Variants in USH2A observed in about 807,000 individuals in gnomAD.
The protein encoded by USH2A is Usher syndrome 2A (autosomal recessive, mild).
A neutral mutation model predicts 538.9 loss-of-function variants in USH2A; 443 were observed. The ratio of observed to expected loss-of-function variants is 0.82; its 90% CI spans 0.76 to 0.89. USH2A has a LOEUF of 0.89. USH2A is among the 40% of genes least tolerant of loss of function. USH2A has a pLI of 0.00. For missense variants in USH2A, 6,633 were observed against 6,324.8 expected, an observed-to-expected ratio of 1.05 and a Z score of -1.65; for synonymous variants, 2,413 against 2,273.5, an observed-to-expected ratio of 1.06 and a Z score of -1.75.
intron 44 of USH2A, 134 bp from the exon 45 acceptor site, chr1:215,846,167 G>T: frequency 1.2e-6 from 1 of 808,022 alleles, no homozygotes; most frequent in Non-Finnish European, 2.0e-6. Context: ...GTTAAAAAAA[G>T]CTTATGAGAT....
intron 43 of USH2A, among the ~76,000 whole-genome samples, chr1:215,877,292 T>G (rs1399578258): frequency 2.0e-5 from 3 of 152,220 alleles, no homozygotes; most frequent in Middle Eastern, 3.2e-3. Flanking sequence ...CTAGATTGAA[T>G]TCTTTCAAGT....
chr1:215,963,155 C>A (rs911125030), intron 37 of USH2A, among the ~76,000 whole-genome samples: 1 of 152,094 alleles, frequency 6.6e-6, no homozygotes, highest in Non-Finnish European at 1.5e-5. Context: ...TTAGACAATT[C>A]AATAAGCTTT....
intron 71 of USH2A, among the ~76,000 whole-genome samples, chr1:215,627,453 C>CTTCCTTCCTTCTTTCCTTCCTTCT (rs1656090209): frequency 9.5e-6 from 1 of 104,780 alleles, no homozygotes; most frequent in Non-Finnish European, 2.1e-5. Context: ...TCCTTCCTTC[C>CTTCCTTCCTTCTTTCCTTCCTTCT]TTCCTTCCTT....
chr1:215,944,599 T>C, intron 37 of USH2A, among the ~76,000 whole-genome samples: 1 of 152,140 alleles, frequency 6.6e-6, no homozygotes. Flanking sequence ...AAAAATAAGT[T>C]CTAGACAGTC....
intron 38 of USH2A, among the ~76,000 whole-genome samples, chr1:215,919,220 T>A (rs1666035709): frequency 6.6e-6 from 1 of 152,084 alleles, no homozygotes; most frequent in Non-Finnish European, 1.5e-5. Context: ...ACTTCAGGAA[T>A]CAGCAGCCAT....
intron 37 of USH2A, among the ~76,000 whole-genome samples, chr1:215,951,255 C>G (rs560790707): frequency 2.6e-5 from 4 of 152,158 alleles, no homozygotes; most frequent in Admixed American, 6.5e-5. Flanking sequence ...TATGTTGTGT[C>G]TTTGTTCTCA....
At chr1:215,888,118 C>G (rs1324849611) in intron 41 of USH2A, among the ~76,000 whole-genome samples, 1 of 152,154 alleles carries the variant, frequency 6.6e-6, no homozygotes, top group Admixed American at 6.5e-5. Context: ...CCCATCTCTT[C>G]TCATTTTCTG....
intron 13 of USH2A, among the ~76,000 whole-genome samples, chr1:216,236,915 C>G (rs979701827): frequency 1.3e-5 from 2 of 152,056 alleles, no homozygotes; most frequent in Non-Finnish European, 2.9e-5. Flanking sequence ...CCATGAAAGG[C>G]CCTCATTAAC....
chr1:216,038,310 A>G (rs1160311520), intron 32 of USH2A, among the ~76,000 whole-genome samples: 2 of 152,010 alleles, frequency 1.3e-5, no homozygotes, highest in Non-Finnish European at 2.9e-5. Context: ...CTTCAATTTT[A>G]CTGAATTCAT....
chr1:216,284,067 ATCTC>A (rs922512280), intron 11 of USH2A, among the ~76,000 whole-genome samples: 13 of 152,134 alleles, frequency 8.5e-5, no homozygotes, highest in African/African-American at 3.1e-4. Context: ...ATTTCCTTGT[ATCTC>A]TCTCTCTGTC....
intron 4 of USH2A, among the ~76,000 whole-genome samples, chr1:216,363,392 A>G (rs999610406): frequency 6.6e-6 from 1 of 152,056 alleles, no homozygotes; most frequent in Non-Finnish European, 1.5e-5. Context: ...GGGTGACTAC[A>G]CTTTAGAGAT....
rs544392976 is a variant in USH2A, at chr1:216,251,949, C to T, written c.1972-851G>A. 7.9e-5 allele frequency among the ~76,000 whole-genome samples: 12 copies of T among 152,138 alleles called. No homozygotes were observed. In the East Asian group the frequency reaches 2.1e-3, roughly 27 times the overall value. ...AATACATTTTTTTCTTACCCAACTCCCCTTTTAGGACTATTTCAGCCTATT... is the reference window on the plus strand; with the variant it reads ...AATACATTTTTTTCTTACCCAACTCTCCTTTTAGGACTATTTCAGCCTATT... On this transcript the variant is annotated intron_variant, in intron 11 of 71. Transcript: ENST00000307340.
At chr1:215,953,972 A>C (rs1203486937) in intron 37 of USH2A, among the ~76,000 whole-genome samples, 1 of 152,224 alleles carries the variant, frequency 6.6e-6, no homozygotes, top group Non-Finnish European at 1.5e-5. Context: ...AATGCTCATC[A>C]TCACTGGCCA....
intron 38 of USH2A, among the ~76,000 whole-genome samples, chr1:215,915,382 C>T (rs140624931): frequency 1.3e-5 from 2 of 152,166 alleles, no homozygotes; most frequent in African/African-American, 2.4e-5. Flanking sequence ...AATCTAACAG[C>T]TCAGTGTTTT....
Position 215,834,710 on chromosome 1 carries a change from G to T in USH2A, c.9371+3281C>A, listed in dbSNP as rs541892732. On this transcript the variant is annotated intron_variant, in intron 47 of 71. Transcript: ENST00000307340. ...TAATCACTTTTTAGTCATATTGTTG[G>T]TATCCAGGGAATCTTTTGATCTGCA... 3.2e-4 allele frequency among the ~76,000 whole-genome samples: 48 copies of T among 150,724 alleles called. No homozygotes were observed. In the South Asian group the frequency reaches 8.6e-3, roughly 27 times the overall value.
At chr1:215,724,072 AT>A (rs1659739709) in intron 61 of USH2A, among the ~76,000 whole-genome samples, 1 of 6,624 alleles carries the variant, frequency 1.5e-4, no homozygotes, top group Non-Finnish European at 6.3e-3. Flanking sequence ...ACAGAATGTG[AT>A]ATCTATATCT....
At chr1:215,928,185 A>T (rs946691851) in intron 38 of USH2A, among the ~76,000 whole-genome samples, 1 of 152,104 alleles carries the variant, frequency 6.6e-6, no homozygotes, top group Non-Finnish European at 1.5e-5. Flanking sequence ...GAAATAGCTA[A>T]GATTTTTTTT....
intron 41 of USH2A, among the ~76,000 whole-genome samples, chr1:215,886,356 C>T (rs1277696413): frequency 4.6e-5 from 7 of 152,144 alleles, no homozygotes; most frequent in Non-Finnish European, 8.8e-5. Flanking sequence ...ACGAGAACGT[C>T]CACTTCGGTA....
At chr1:215,765,939 A>G (rs1296904346) in intron 56 of USH2A, among the ~76,000 whole-genome samples, 1 of 152,176 alleles carries the variant, frequency 6.6e-6, no homozygotes, top group Non-Finnish European at 1.5e-5. Flanking sequence ...GCTTCAATAA[A>G]CATCCTGGTG....
Sources: gnomAD v4.1 joint callset for allele counts (sites outside exome capture counted in the v4.1 genomes callset) on GRCh38, gnomAD v4.1.1 for gene constraint, MANE v1.5 for transcripts, NCBI Gene and HGNC (gene_info 2026-07-23, HGNC 2026-07-21) for gene names.